The following DAB1 variants were observed in gnomAD, a reference collection of about 807,000 sequenced individuals.
The protein encoded by DAB1 is DAB adaptor protein 1.
A neutral mutation model predicts 64.6 loss-of-function variants in DAB1; 15 were observed. The ratio of observed to expected loss-of-function variants is 0.23; its 90% CI spans 0.16 to 0.36. DAB1 has a LOEUF of 0.36. DAB1 is among the 10% of genes least tolerant of loss of function. The pLI is 1.00. For missense variants in DAB1, 596 were observed against 706.7 expected (o/e 0.84, Z 1.78); for synonymous variants, 235 against 251.9 (o/e 0.93, Z 0.64).
chr1:57,838,807 C>T (rs1271770472), intron 1 of DAB1, among the ~76,000 whole-genome samples: 2 of 147,146 alleles, frequency 1.4e-5, no homozygotes, highest in African/African-American at 5.1e-5. Context: ...GGCAGGGTCT[C>T]TCTCTGTCAC....
rs148451095 is a variant in DAB1 at position 57,970,373 on chromosome 1, G to A, written n.388-86211C>T. ...CACCAACATTTTCCTCCTTCAAAGGGTCAGCTTTGCCAGTGGGGGTCACCC... is the reference window on the plus strand; with the variant it reads ...CACCAACATTTTCCTCCTTCAAAGGATCAGCTTTGCCAGTGGGGGTCACCC... On this transcript the variant is annotated intron_variant and non_coding_transcript_variant, in intron 5 of 20. Transcript: ENST00000485760. Among the ~76,000 whole-genome samples the A allele has an allele frequency of 4.6e-3, 694 of 152,114 alleles. 9 individuals carry two copies. Among genetic ancestry groups the A allele is most frequent in the Non-Finnish European group, 7.3e-3 (499 of 68,012 alleles).
At chr1:58,471,120 C>G (rs1432604414) in intron 3 of DAB1, among the ~76,000 whole-genome samples, 2 of 152,152 alleles carry the variant, frequency 1.3e-5, no homozygotes, top group East Asian at 3.9e-4. Flanking sequence ...CATTTAATAT[C>G]TCACTTCACA....
chr1:57,692,573 A>G lies in DAB1; in HGVS notation n.552-42908T>C, dbSNP rs146622880. 4.8e-3 allele frequency among the ~76,000 whole-genome samples: 728 copies of G among 152,252 alleles called. 10 individuals carry two copies. Among genetic ancestry groups the G allele is most frequent in the African/African-American group, 0.017 (713 of 41,550 alleles). On this transcript the variant is annotated intron_variant and non_coding_transcript_variant, in intron 6 of 20. Transcript: ENST00000485760. ...AAGAGAAAGAGAGATGGAAATAGTA[A>G]AGAAAAAACAGTGTACCCTATTCCT...
chr1:57,853,004 G>C (rs952829559), intron 1 of DAB1, among the ~76,000 whole-genome samples: 3 of 152,112 alleles, frequency 2.0e-5, no homozygotes, highest in African/African-American at 7.2e-5. Context: ...CTGTTGGAGG[G>C]CTGGGACCAC....
At chr1:58,462,094 C>T (rs886070526) in intron 3 of DAB1, among the ~76,000 whole-genome samples, 2 of 149,028 alleles carry the variant, frequency 1.3e-5, no homozygotes, top group South Asian at 4.2e-4. Flanking sequence ...TTGAGATCCA[C>T]GTCGATCTGA....
chr1:57,300,298 G>C (rs1000650142), intron 1 of DAB1, among the ~76,000 whole-genome samples: 1 of 152,300 alleles, frequency 6.6e-6, no homozygotes, highest in Non-Finnish European at 1.5e-5. Flanking sequence ...GGGAAAAAGA[G>C]ACAGTGATTG....
chr1:57,102,785 T>C (rs566900058), intron 4 of DAB1, among the ~76,000 whole-genome samples: 14 of 152,334 alleles, frequency 9.2e-5, no homozygotes, highest in Admixed American at 5.2e-4. Flanking sequence ...CTTGAACAGT[T>C]CATTTATTCA....
At chr1:57,935,974 T>G (rs979177969) in intron 5 of DAB1, among the ~76,000 whole-genome samples, 1 of 152,218 alleles carries the variant, frequency 6.6e-6, no homozygotes, top group Non-Finnish European at 1.5e-5. Flanking sequence ...ATGACCTGCT[T>G]TTCATCACAG....
chr1:57,479,334 G>T (rs1643981436), intron 7 of DAB1, among the ~76,000 whole-genome samples: 2 of 151,778 alleles, frequency 1.3e-5, no homozygotes, highest in African/African-American at 4.8e-5. Flanking sequence ...GCAGGATGCT[G>T]GTCGGTGGGA....
intron 9 of DAB1, among the ~76,000 whole-genome samples, chr1:57,047,797 G>C (rs1007447449): frequency 4.6e-5 from 7 of 152,160 alleles, no homozygotes; most frequent in African/African-American, 1.7e-4. Flanking sequence ...TGATCTTGTT[G>C]ACACTATTGC....
intron 3 of DAB1, among the ~76,000 whole-genome samples, chr1:58,364,088 C>G (rs1299804302): frequency 6.6e-6 from 1 of 152,186 alleles, no homozygotes; most frequent in Admixed American, 6.5e-5. Context: ...AGAATGTTTA[C>G]AGAAGTAGAA....
chr1:57,421,902 C>CGGGGGGGGGGGGGGGGGGGG (rs1309675216), intron 1 of DAB1, among the ~76,000 whole-genome samples: 3 of 11,710 alleles, frequency 2.6e-4, no homozygotes, highest in Non-Finnish European at 3.4e-4. Flanking sequence ...TGGGGGGTGG[C>CGGGGGGGGGGGGGGGGGGGG]GGGGGGGGGG....
intron 9 of DAB1, among the ~76,000 whole-genome samples, chr1:57,048,160 C>T (rs574359762): frequency 6.6e-6 from 1 of 152,308 alleles, no homozygotes; most frequent in African/African-American, 2.4e-5. Flanking sequence ...CAAGGTCCCA[C>T]CGCTGGTAAG....
intron 4 of DAB1, among the ~76,000 whole-genome samples, chr1:57,132,160 G>A (rs779313812): frequency 2.0e-5 from 3 of 151,958 alleles, no homozygotes; most frequent in Non-Finnish European, 4.4e-5. Context: ...CTCTGAACAT[G>A]GACAACTCTG....
chr1:57,365,321 G>A (rs1402793316), intron 1 of DAB1, among the ~76,000 whole-genome samples: 2 of 134,116 alleles, frequency 1.5e-5, no homozygotes, highest in African/African-American at 2.7e-5. Flanking sequence ...ATATATTTAT[G>A]TATTATATAA....
chr1:58,434,163 C>G (rs1163835585), intron 3 of DAB1, among the ~76,000 whole-genome samples: 2 of 152,126 alleles, frequency 1.3e-5, no homozygotes, highest in East Asian at 3.9e-4. Flanking sequence ...CATTATCTGA[C>G]TTGGATTTCT....
At chr1:57,889,908 G>C (rs59675233) in intron 5 of DAB1, among the ~76,000 whole-genome samples, 24,977 of 90,080 alleles carry the variant, frequency 0.28, 4,958 homozygotes, top group Non-Finnish European at 0.38. Flanking sequence ...GCGGGGGGGG[G>C]GGAGGGGGAA....
intron 5 of DAB1, among the ~76,000 whole-genome samples, chr1:58,014,914 G>C (rs907119560): frequency 1.3e-5 from 2 of 152,228 alleles, no homozygotes; most frequent in African/African-American, 4.8e-5. Flanking sequence ...GGGGGAAACA[G>C]TAGTCACTGG....
chr1:57,001,657 C>A (rs531950423), intron 14 of DAB1, among the ~76,000 whole-genome samples: 130 of 152,282 alleles, frequency 8.5e-4, no homozygotes, highest in African/African-American at 2.9e-3. Context: ...CCCAACCAGC[C>A]TCTCCTACTG....
Sources: allele counts gnomAD v4.1 joint callset (sites outside exome capture counted in the v4.1 genomes callset), GRCh38; gene constraint gnomAD v4.1.1; transcripts MANE v1.5; gene names NCBI Gene and HGNC (gene_info 2026-07-23, HGNC 2026-07-21).